Variants in ATP13A5 observed in about 807,000 individuals in gnomAD.
ATP13A5 encodes the protein ATPase 13A5, also known as probable cation-transporting ATPase 13A5.
A neutral mutation model predicts 150.2 loss-of-function variants in ATP13A5; 149 were observed. The observed-to-expected ratio is 0.99, with a 90% CI of 0.87 to 1.14. The LOEUF (loss-of-function observed/expected upper bound fraction) is 1.14, where lower values mean the gene tolerates loss of function less well. ATP13A5 is among the 50% of genes most tolerant of loss of function. The pLI, the probability that ATP13A5 is intolerant of heterozygous loss-of-function variation, is 0.00. For missense variants in ATP13A5, 1,383 were observed against 1,449.3 expected, an observed-to-expected ratio of 0.95 and a Z score of 0.74; for synonymous variants, 497 against 522.2, an observed-to-expected ratio of 0.95 and a Z score of 0.66.
intron 17 of ATP13A5, 57 bp downstream of exon 17, chr3:193,318,934 G>T: frequency 8.2e-7 from 1 of 1,216,846 alleles, no homozygotes; most frequent in Non-Finnish European, 1.2e-6. Flanking sequence ...TTCATCTCCA[G>T]GACTCGCACT....
intron 3 of ATP13A5, 31 bp downstream of exon 3, chr3:193,363,205 T>C (rs763250963): frequency 1.3e-6 from 2 of 1,586,148 alleles, no homozygotes; most frequent in South Asian, 1.2e-5. Context: ...TCTGTAAACA[T>C]GCATAACACC....
chr3:193,353,339 A>G (rs1712641067), intron 6 of ATP13A5, among the ~76,000 whole-genome samples: 1 of 151,946 alleles, frequency 6.6e-6, no homozygotes, highest in African/African-American at 2.4e-5. Context: ...ATCCAAGCAC[A>G]CAAGGAAAAT....
intron 25 of ATP13A5, among the ~76,000 whole-genome samples, chr3:193,292,689 C>T (rs1718015332): frequency 6.6e-6 from 1 of 152,150 alleles, no homozygotes. Flanking sequence ...GATCTACATA[C>T]TAGAGCGGAC....
intron 13 of ATP13A5, among the ~76,000 whole-genome samples, chr3:193,326,523 C>CACAAATATATTA (rs1428058810): frequency 3.9e-5 from 6 of 152,296 alleles, no homozygotes; most frequent in African/African-American, 9.6e-5. Flanking sequence ...AAAGTCAGGA[C>CACAAATATATTA]TTTGTGTTAT....
At chr3:193,288,696 T>C (rs1717823481) in intron 26 of ATP13A5, among the ~76,000 whole-genome samples, 1 of 152,026 alleles carries the variant, frequency 6.6e-6, no homozygotes, top group Non-Finnish European at 1.5e-5. Context: ...ACCCACAATA[T>C]CTCTGACGTA....
rs1223555955 is a variant in ATP13A5, at chr3:193,296,173, TAC to T, written c.2848+2956_2848+2957del. On this transcript the variant is annotated intron_variant, in intron 25 of 29. Transcript: ENST00000342358. ...TAGTAGAAAAGGGCTTCATGGTATG[TAC>T]CACTAGGAGGCAGCTGCAGAAAGGA... Among the ~76,000 whole-genome samples, 25 of 152,022 alleles carry T rather than the reference TAC, an allele frequency of 1.6e-4. 1 individual carries two copies. The highest frequency in any genetic ancestry group is 1.6e-3 in the Admixed American group (25 of 15,232).
chr3:193,344,955 C>G, intron 8 of ATP13A5, 48 bp downstream of exon 8: 1 of 1,496,052 alleles, frequency 6.7e-7, no homozygotes, highest in Non-Finnish European at 9.3e-7. Context: ...GAGACCAATT[C>G]CCCCCTGAAA....
intron 25 of ATP13A5, among the ~76,000 whole-genome samples, chr3:193,298,764 G>A (rs1718274213): frequency 6.6e-6 from 1 of 152,092 alleles, no homozygotes; most frequent in South Asian, 2.1e-4. Context: ...CAAAGACCTA[G>A]AAAAAAATCT....
At chr3:193,321,860 G>A (rs757603429) in intron 15 of ATP13A5, 23 bp from the exon 16 acceptor site, 2 of 1,608,798 alleles carry the variant, frequency 1.2e-6, no homozygotes, top group Non-Finnish European at 1.7e-6. Context: ...CAACAACAGG[G>A]AGCTTAACAA....
At chr3:193,305,724 T>C in intron 22 of ATP13A5, 56 bp from the exon 23 acceptor site, 5 of 1,422,592 alleles carry the variant, frequency 3.5e-6, no homozygotes, top group Non-Finnish European at 5.0e-6. Flanking sequence ...CTTTACCTCT[T>C]AAAACACCAA....
chr3:193,351,906 A>G (rs1305741359), intron 6 of ATP13A5, among the ~76,000 whole-genome samples: 8 of 152,136 alleles, frequency 5.3e-5, no homozygotes, highest in Admixed American at 5.2e-4. Flanking sequence ...AATTTTTCCC[A>G]TTTGGGTCCT....
intron 29 of ATP13A5, 85 bp downstream of exon 29, chr3:193,276,665 T>C (rs1717222538): frequency 2.2e-6 from 2 of 924,636 alleles, no homozygotes; most frequent in African/African-American, 1.6e-5. Flanking sequence ...GGGATCAAAG[T>C]GGTTGCTCTA....
chr3:193,339,848 A>G (rs1712046912), intron 9 of ATP13A5, among the ~76,000 whole-genome samples: 1 of 152,174 alleles, frequency 6.6e-6, no homozygotes, highest in Non-Finnish European at 1.5e-5. Context: ...TTAGGCTAAC[A>G]TCAGTAAACT....
chr3:193,281,114 T>G (rs1377804055), intron 27 of ATP13A5: 1 of 875,588 alleles, frequency 1.1e-6, no homozygotes, highest in African/African-American at 1.8e-5. Context: ...GAATTGCATC[T>G]CTCAGGATAA....
At chr3:193,373,165 G>T (rs772986228) in intron 1 of ATP13A5, among the ~76,000 whole-genome samples, 1 of 152,118 alleles carries the variant, frequency 6.6e-6, no homozygotes, top group Non-Finnish European at 1.5e-5. Flanking sequence ...TTGAGATAGA[G>T]TCTCACTCCA....
intron 28 of ATP13A5, 117 bp downstream of exon 28, chr3:193,279,249 T>C (rs1717367976): frequency 1.3e-6 from 1 of 770,286 alleles, no homozygotes; most frequent in African/African-American, 1.7e-5. Flanking sequence ...TATATAGAAA[T>C]AGCCTCACAG....
intron 5 of ATP13A5, among the ~76,000 whole-genome samples, chr3:193,358,606 T>A (rs973670643): frequency 6.6e-6 from 1 of 152,144 alleles, no homozygotes; most frequent in African/African-American, 2.4e-5. Flanking sequence ...GACATGAAAG[T>A]TATTTTAGTT....
At chr3:193,284,759 G>C (rs1717645933) in intron 27 of ATP13A5, among the ~76,000 whole-genome samples, 155 bp downstream of exon 27, 1 of 152,232 alleles carries the variant, frequency 6.6e-6, no homozygotes, top group South Asian at 2.1e-4. Context: ...CTGCATGTGG[G>C]CTCTACCAAC....
intron 14 of ATP13A5, among the ~76,000 whole-genome samples, chr3:193,324,274 A>AGAG (rs1719392175): frequency 6.6e-6 from 1 of 152,172 alleles, no homozygotes; most frequent in Non-Finnish European, 1.5e-5. Context: ...TTTGGTGTCT[A>AGAG]GACTTATGCT....
Sources: allele counts gnomAD v4.1 joint callset (sites outside exome capture counted in the v4.1 genomes callset), GRCh38; gene constraint gnomAD v4.1.1; transcripts MANE v1.5; gene names NCBI Gene and HGNC (gene_info 2026-07-23, HGNC 2026-07-21).